Variants in L3HYPDH observed in about 807,000 individuals in gnomAD.
L3HYPDH encodes the protein trans-L-3-hydroxyproline dehydratase.
L3HYPDH carries 32 observed loss-of-function variants against 26.5 expected under a neutral mutation model. That is an observed-to-expected ratio of 1.21 (90% CI 0.91 to 1.62). The LOEUF (loss-of-function observed/expected upper bound fraction) is 1.62, where lower values mean the gene tolerates loss of function less well. Ranked by LOEUF, L3HYPDH falls within the 40% of genes most tolerant of loss-of-function variation. The pLI is 0.00. For synonymous variants in L3HYPDH, 215 were observed against 196.6 expected (o/e 1.09, Z -0.78); for missense variants, 554 against 476.4 (o/e 1.16, Z -1.52).
chr14:59,485,331 A>G (rs531007520), upstream of L3HYPDH: 380 of 442,518 alleles, frequency 8.6e-4, no homozygotes, highest in South Asian at 2.4e-3. Context: ...TGTGATTACA[A>G]TTGGTTACAA....
intron 1 of L3HYPDH, among the ~76,000 whole-genome samples, chr14:59,481,091 T>C (rs1270858785): frequency 1.3e-5 from 2 of 152,218 alleles, no homozygotes; most frequent in African/African-American, 2.4e-5. Context: ...CCAACCTTTC[T>C]AGAATCTTGG....
At chr14:59,484,542 C>A (rs776604972), upstream of L3HYPDH, 23 of 1,562,328 alleles carry the variant, frequency 1.5e-5, no homozygotes, top group African/African-American at 2.2e-4. Context: ...GGTGCAGCTG[C>A]CAGATCCGCT....
Position 59,484,305 on chromosome 14 carries a change from C to A in L3HYPDH, c.12G>T (p.Ala4=). 1.3e-6 allele frequency: 2 copies of A among 1,588,746 alleles called. No homozygotes were observed. The change falls in exon 1 of 5, where the codon GCG becomes GCT. Residue 4 remains alanine, a synonymous_variant. Transcript: ENST00000247194. MES[A]LAVPRLPPHD... ...GCGGGGGCAGCCGGGGCACCGCCAG[C>A]GCGCTCTCCATGGTCTGCGTCGGGG...
chr14:59,498,954 G>A, the L3HYPDH span: 2 of 888,576 alleles, frequency 2.3e-6, no homozygotes, highest in East Asian at 5.7e-5. Flanking sequence ...ATTATTGTAT[G>A]TAGTAATATT....
the L3HYPDH span, among the ~76,000 whole-genome samples, chr14:59,499,259 C>A: frequency 6.6e-6 from 1 of 151,738 alleles, no homozygotes; most frequent in African/African-American, 2.4e-5. Context: ...ATCTCCTGAC[C>A]TCATGATCTG....
intron 1 of L3HYPDH, 41 bp from the exon 2 acceptor site, chr14:59,479,392 A>G (rs757614954): frequency 6.5e-6 from 10 of 1,547,664 alleles, no homozygotes; most frequent in East Asian, 2.3e-5. Flanking sequence ...GTGTTTGTTA[A>G]TAAGTATTTT....
At chr14:59,469,587 A>C (rs1054751820), downstream of L3HYPDH, among the ~76,000 whole-genome samples, 49 of 119,628 alleles carry the variant, frequency 4.1e-4, no homozygotes, top group South Asian at 6.6e-3. Context: ...AAAAAAAAAA[A>C]GGTTGGGGGG....
chr14:59,467,478 T>C (rs1889223278), intron 1 of L3HYPDH, among the ~76,000 whole-genome samples: 1 of 152,128 alleles, frequency 6.6e-6, no homozygotes, highest in South Asian at 2.1e-4. Flanking sequence ...ACTGCACTCT[T>C]CTGCTTCCTT....
At chr14:59,501,118 A>G in the L3HYPDH span, 4 of 934,158 alleles carry the variant, frequency 4.3e-6, no homozygotes, top group East Asian at 2.5e-5. Flanking sequence ...GAAAATTACT[A>G]TTTGAATTTA....
At chr14:59,493,477 G>A in the L3HYPDH span, among the ~76,000 whole-genome samples, 1 of 152,190 alleles carries the variant, frequency 6.6e-6, no homozygotes. Flanking sequence ...GAAATGATCA[G>A]TGGTTCTTGT....
At chr14:59,500,409 C>T in the L3HYPDH span, among the ~76,000 whole-genome samples, 6 of 151,940 alleles carry the variant, frequency 3.9e-5, no homozygotes, top group African/African-American at 1.5e-4. Flanking sequence ...TCAATTTGTC[C>T]ATTTATTTTA....
At chr14:59,502,021 A>T in the L3HYPDH span, among the ~76,000 whole-genome samples, 1 of 152,178 alleles carries the variant, frequency 6.6e-6, no homozygotes, top group Non-Finnish European at 1.5e-5. Context: ...ATTGGTTAAA[A>T]CCATGAAGAA....
rs373348888 is a variant in L3HYPDH at position 59,484,157 on chromosome 14, T to C, written c.160A>G (p.Met54Val). ...GPTLLAKRRY[M>V]RQHLDHVRRR... ...CGCACGTGGTCAAGGTGCTGGCGCA[T>C]GTAGCGCCGCTTGGCCAGCAGGGTG... is the stretch of plus-strand genomic sequence containing the variant. Residue 54 changes from methionine to valine, a missense_variant, in exon 1 of 5, where the codon ATG (methionine) becomes GTG (valine). Coordinates refer to ENST00000247194, the MANE Select transcript of L3HYPDH (RefSeq NM_144581.2). The C allele has an allele frequency of 2.0e-5, 32 of 1,600,724 alleles. No individual in the cohort carries two copies. The highest frequency in any genetic ancestry group is 2.2e-5 in the East Asian group (1 of 44,844).
Position 59,484,156 on chromosome 14 carries a change from A to T in L3HYPDH, c.161T>A (p.Met54Lys), listed in dbSNP as rs772595885. 1.1e-5 allele frequency: 18 copies of T among 1,600,934 alleles called. No homozygotes were observed. In the South Asian group the frequency reaches 1.2e-4, roughly 11 times the overall value. ...GPTLLAKRRY[M>K]RQHLDHVRRR... ...CCGCACGTGGTCAAGGTGCTGGCGC[A>T]TGTAGCGCCGCTTGGCCAGCAGGGT... is the stretch of plus-strand genomic sequence containing the variant. The change falls in exon 1 of 5, where the codon ATG (methionine) becomes AAG (lysine). Residue 54 changes from methionine (M) to lysine (K), a missense_variant. Met to Lys is a moderately conservative substitution (Grantham distance 95). Coordinates refer to ENST00000247194, the MANE Select transcript of L3HYPDH (RefSeq NM_144581.2).
intron 2 of L3HYPDH, among the ~76,000 whole-genome samples, 155 bp from the exon 3 acceptor site, chr14:59,476,369 CTT>C (rs750756944): frequency 6.6e-6 from 1 of 152,152 alleles, no homozygotes. Flanking sequence ...GAAATTATGT[CTT>C]TGTCTAGATG....
At chr14:59,476,048 C>A (rs1221260830) in intron 3 of L3HYPDH, 42 bp from the exon 4 acceptor site, 2 of 1,613,526 alleles carry the variant, frequency 1.2e-6, no homozygotes, top group Admixed American at 3.3e-5. Context: ...ATAGTGTGTT[C>A]CATATTACCT....
At chr14:59,479,481 T>C in intron 1 of L3HYPDH, 130 bp from the exon 2 acceptor site, 1 of 873,288 alleles carries the variant, frequency 1.1e-6, no homozygotes, top group Non-Finnish European at 1.8e-6. Flanking sequence ...AATAATGAAG[T>C]AAAAATCCGT....
chr14:59,472,969 T>G lies in L3HYPDH; in HGVS notation c.1061A>C (p.Lys354Thr). 1.3e-6 allele frequency: 2 copies of G among 1,593,864 alleles called. No homozygotes were observed. Among genetic ancestry groups the G allele is most frequent in the African/African-American group, 2.7e-5 (2 of 73,322 alleles). The change falls in exon 5 of 5, where the codon AAG becomes ACG. Residue 354 changes from lysine (K) to threonine (T), a missense_variant. Physicochemically the swap from Lys to Thr is moderately conservative, Grantham distance 78. Transcript: ENST00000247194. ...CCCTTAAAATCATGGAAGAAGTCAC[T>G]TGAGAAGAAATCCATCCCTCAATGG... Reference protein sequence around the residue: ...DDPLRDGFLLK With the variant: ...DDPLRDGFLLT
chr14:59,504,131 A>G, the L3HYPDH span: 3 of 973,350 alleles, frequency 3.1e-6, no homozygotes, highest in African/African-American at 1.6e-5. Flanking sequence ...AAGTAAATCA[A>G]TCTTAACAGT....
Sources: allele counts gnomAD v4.1 joint callset (sites outside exome capture counted in the v4.1 genomes callset), GRCh38; gene constraint gnomAD v4.1.1; transcripts MANE v1.5; gene names NCBI Gene and HGNC (gene_info 2026-07-23, HGNC 2026-07-21).